TESPA1: variants seen among roughly 807,000 people sequenced by gnomAD.
The protein encoded by TESPA1 is thymocyte expressed, positive selection associated 1.
TESPA1 carries 33 observed loss-of-function variants against 57.9 expected under a neutral mutation model. The ratio of observed to expected loss-of-function variants is 0.57; its 90% confidence interval spans 0.43 to 0.76. The LOEUF (loss-of-function observed/expected upper bound fraction) is 0.76, where lower values mean the gene tolerates loss of function less well. TESPA1 is among the 30% of genes least tolerant of loss of function. The probability of loss-of-function intolerance (pLI) is 0.00; values close to 1 mark genes in which losing one functional copy is unlikely to be tolerated. For synonymous variants in TESPA1, 227 were observed against 228.9 expected (o/e 0.99, Z 0.07); for missense variants, 618 against 632.9 (o/e 0.98, Z 0.25).
intron 10 of TESPA1, among the ~76,000 whole-genome samples, chr12:54,959,013 G>A (rs1432057476): frequency 1.3e-5 from 2 of 152,098 alleles, no homozygotes; most frequent in African/African-American, 4.8e-5. Context: ...CGTTTTCTCT[G>A]TTTCTTCAAC....
chr12:54,973,625 G>A, intron 2 of TESPA1, 106 bp from the exon 3 acceptor site: 2 of 1,580,584 alleles, frequency 1.3e-6, no homozygotes, highest in Non-Finnish European at 1.7e-6. Flanking sequence ...GCTGCGTCAT[G>A]AATCTTTTTT....
At chr12:54,961,796 G>T (rs1340082537) in intron 9 of TESPA1, among the ~76,000 whole-genome samples, 1 of 152,228 alleles carries the variant, frequency 6.6e-6, no homozygotes, top group Non-Finnish European at 1.5e-5. Context: ...GACCTCTCCA[G>T]TAGTGTATGC....
chr12:54,971,584 T>G (rs1387173057), intron 3 of TESPA1, among the ~76,000 whole-genome samples: 3 of 152,180 alleles, frequency 2.0e-5, no homozygotes, highest in Admixed American at 2.0e-4. Flanking sequence ...ATTTTGAAGT[T>G]TAAATATTTG....
At chr12:54,953,810 G>T (rs1447157796) in intron 10 of TESPA1, among the ~76,000 whole-genome samples, 1 of 152,058 alleles carries the variant, frequency 6.6e-6, no homozygotes, top group Non-Finnish European at 1.5e-5. Context: ...GTGAGCCACC[G>T]TGCCCGGCCT....
At chr12:54,982,849 A>C (rs1952370816) in intron 1 of TESPA1, among the ~76,000 whole-genome samples, 1 of 151,574 alleles carries the variant, frequency 6.6e-6, no homozygotes, top group African/African-American at 2.4e-5. Flanking sequence ...TTTCTTTTTC[A>C]ATATCTACAC....
chr12:54,952,565 TC>T (rs1950467115), intron 10 of TESPA1, among the ~76,000 whole-genome samples: 1 of 152,240 alleles, frequency 6.6e-6, no homozygotes, highest in Non-Finnish European at 1.5e-5. Context: ...ATAATTTCCA[TC>T]CAGTGGAACC....
At chr12:54,963,392 C>G in intron 8 of TESPA1, 150 bp from the exon 9 acceptor site, 4 of 863,466 alleles carry the variant, frequency 4.6e-6, no homozygotes, top group South Asian at 3.7e-5. Context: ...TTCTAACACT[C>G]TTTTTCTGGA....
intron 10 of TESPA1, among the ~76,000 whole-genome samples, chr12:54,959,017 C>A (rs1200816652): frequency 6.6e-6 from 1 of 152,200 alleles, no homozygotes; most frequent in Non-Finnish European, 1.5e-5. Flanking sequence ...TTCTCTGTTT[C>A]TTCAACCTGT....
At chr12:54,962,395 C>T in intron 9 of TESPA1, 36 bp downstream of exon 9, 4 of 1,590,584 alleles carry the variant, frequency 2.5e-6, no homozygotes, top group Non-Finnish European at 3.4e-6. Flanking sequence ...TACAGCCTTT[C>T]TCTGCCAGTC....
intron 1 of TESPA1, 138 bp from the exon 2 acceptor site, chr12:54,974,745 G>T: frequency 2.1e-6 from 1 of 474,584 alleles, no homozygotes; most frequent in Non-Finnish European, 3.4e-6. Context: ...GGGAGGACAT[G>T]CCTAGCTCAT....
chr12:54,963,017 G>A lies in TESPA1; in HGVS notation c.881C>T (p.Thr294Ile), dbSNP rs1221530399. 3.1e-6 allele frequency: 5 copies of A among 1,613,922 alleles called. No individual in the cohort carries two copies. Among genetic ancestry groups the A allele is most frequent in the Non-Finnish European group, 4.2e-6 (5 of 1,179,888 alleles). ...RKAISKMCLYTCPRDRPPPPH... is the reference protein window; with the variant it reads ...RKAISKMCLYICPRDRPPPPH... ...TGGTGGTGGCCGGTCTCGGGGGCAT[G>A]TGTACAGACACATCTTGGAGATGGC... The change falls in exon 9 of 11, where the codon ACA becomes ATA. Residue 294 changes from threonine (T) to isoleucine (I), a missense_variant. Thr to Ile is a moderately conservative substitution (Grantham distance 89). Around this residue, in one of 3 missense-constraint regions of TESPA1, gnomAD observed 409 missense variants for 420.1 expected, o/e 0.97. Coordinates refer to ENST00000449076, the MANE Select transcript of TESPA1 (RefSeq NM_001136030.3).
At chr12:54,957,448 T>C (rs1171240943) in intron 10 of TESPA1, among the ~76,000 whole-genome samples, 1 of 152,248 alleles carries the variant, frequency 6.6e-6, no homozygotes, top group Non-Finnish European at 1.5e-5. Flanking sequence ...CTGCCTTTGA[T>C]TGTGGTGAGT....
chr12:54,973,892 A>G, intron 2 of TESPA1: 4 of 1,062,514 alleles, frequency 3.8e-6, no homozygotes, highest in Non-Finnish European at 4.5e-6. Flanking sequence ...ATTTATTTCC[A>G]TCAGAATTTT....
At chr12:54,967,721 A>C in intron 4 of TESPA1, 122 bp downstream of exon 4, 2 of 1,179,102 alleles carry the variant, frequency 1.7e-6, no homozygotes, top group South Asian at 3.0e-5. Flanking sequence ...CAGTTTAAGA[A>C]CACTCAGGGA....
intron 3 of TESPA1, among the ~76,000 whole-genome samples, chr12:54,969,021 G>GTATATATA (rs56901356): frequency 7.2e-5 from 6 of 83,672 alleles, no homozygotes; most frequent in Non-Finnish European, 1.3e-4. Context: ...ATTTATATAT[G>GTATATATA]TATATATATA....
At chr12:54,962,397 C>G (rs1951133292) in intron 9 of TESPA1, 34 bp downstream of exon 9, 1 of 1,593,424 alleles carries the variant, frequency 6.3e-7, no homozygotes, top group Non-Finnish European at 8.6e-7. Context: ...CAGCCTTTCT[C>G]TGCCAGTCTC....
At chr12:54,953,632 C>G (rs2136026154) in intron 10 of TESPA1, among the ~76,000 whole-genome samples, 1 of 151,772 alleles carries the variant, frequency 6.6e-6, no homozygotes, top group Non-Finnish European at 1.5e-5. Context: ...ATTCTCCTGC[C>G]TCAAGCCTCC....
At position 54,962,578 on chromosome 12, in the gene TESPA1, C is replaced by G. The variant is rs1951154971; in HGVS notation, c.1320G>C (p.Lys440Asn). 6.2e-7 allele frequency: 1 copy of G among 1,613,944 alleles called. No homozygotes were observed. The highest frequency in any genetic ancestry group is 1.1e-5 in the South Asian group (1 of 91,070). The stretch of plus-strand genomic sequence containing the variant: ...CCATGAGATTCTTCTGGAAGAGGCT[C>G]TTTCTTGCTCTGCTCTTTCTTTTCC... ...TFWKRKSRAR[K>N]SLFQKNLMGR... is the part of the protein sequence containing the mutation. The change falls in exon 9 of 11, where the codon AAG (lysine) becomes AAC (asparagine). Residue 440 changes from lysine to asparagine, a missense_variant. By Grantham distance (94) the Lys-to-Asn change is moderately conservative. Around this residue, in one of 3 missense-constraint regions of TESPA1, gnomAD observed 409 missense variants for 420.1 expected, o/e 0.97. Coordinates refer to ENST00000449076, the MANE Select transcript of TESPA1 (RefSeq NM_001136030.3).
At chr12:54,956,663 T>C (rs1448656463) in intron 10 of TESPA1, among the ~76,000 whole-genome samples, 1 of 152,184 alleles carries the variant, frequency 6.6e-6, no homozygotes, top group Non-Finnish European at 1.5e-5. Flanking sequence ...CCTCTTTTAA[T>C]AGAAAAGGTG....
Sources: gnomAD v4.1 joint callset for allele counts (sites outside exome capture counted in the v4.1 genomes callset) on GRCh38, gnomAD v4.1.1 for gene constraint, gnomAD v4.1.1 regional missense constraint, MANE v1.5 for transcripts, NCBI Gene and HGNC (gene_info 2026-07-23, HGNC 2026-07-21) for gene names.